The following CNOT1 variants were observed in gnomAD, a reference collection of about 807,000 sequenced individuals.
CNOT1 encodes CCR4-NOT transcription complex subunit 1, also known as CCR4-associated factor 1.
CNOT1 carries 15 observed loss-of-function variants against 273.8 expected under a neutral mutation model. The ratio of observed to expected loss-of-function variants is 0.05; its 90% CI spans 0.04 to 0.08. The LOEUF is 0.08. Among genes scored for constraint, CNOT1 ranks in the 10% least tolerant of loss-of-function variants. The pLI, the probability that CNOT1 is intolerant of heterozygous loss-of-function variation, is 1.00. For synonymous variants in CNOT1, 1,022 were observed against 1,005.5 expected, an observed-to-expected ratio of 1.02 and a Z score of -0.31; for missense variants, 1,644 against 2,912.2, an observed-to-expected ratio of 0.56 and a Z score of 10.02.
chr16:58,598,114 A>G (rs2042325560), intron 2 of CNOT1, among the ~76,000 whole-genome samples: 1 of 148,950 alleles, frequency 6.7e-6, no homozygotes, highest in African/African-American at 2.5e-5. Flanking sequence ...AAATAAAAAA[A>G]TTTGCCGGGC....
At chr16:58,577,621 G>GT in intron 13 of CNOT1, among the ~76,000 whole-genome samples, 1 of 152,186 alleles carries the variant, frequency 6.6e-6, no homozygotes, top group Non-Finnish European at 1.5e-5. Flanking sequence ...TTTTCTGCAT[G>GT]TATCATATAA....
intron 1 of CNOT1, among the ~76,000 whole-genome samples, chr16:58,601,872 TAA>T (rs10713432): frequency 0.018 from 2,549 of 144,244 alleles, 65 homozygotes; most frequent in African/African-American, 0.058. Flanking sequence ...CCCTGTCTAT[TAA>T]AAAAAAAAAA....
At chr16:58,572,600 C>A (rs1354249150) in intron 16 of CNOT1, among the ~76,000 whole-genome samples, 1 of 150,868 alleles carries the variant, frequency 6.6e-6, no homozygotes, top group Non-Finnish European at 1.5e-5. Flanking sequence ...GGGTGACATA[C>A]ACACACACAC....
rs1452644730 is a variant in CNOT1 at position 58,525,368 on chromosome 16, G to A, written c.6604-9C>T. On this transcript the variant is annotated splice_polypyrimidine_tract_variant and intron_variant, in intron 45 of 48. Transcript: ENST00000317147. ...CCAGGTTCATTGGATACCTTAAAAT[G>A]AGCAAAACAGAACTCCTTATGCTTA... The A allele has an allele frequency of 6.2e-7, 1 of 1,611,420 alleles. No homozygotes were observed. The highest frequency in any genetic ancestry group is 8.5e-7 in the Non-Finnish European group (1 of 1,179,316).
chr16:58,540,073 ACATT>A, intron 34 of CNOT1, 114 bp from the exon 35 acceptor site: 1 of 1,051,830 alleles, frequency 9.5e-7, no homozygotes, highest in East Asian at 2.6e-5. Flanking sequence ...TCTTATTTTT[ACATT>A]CAAACATGGA....
intron 2 of CNOT1, among the ~76,000 whole-genome samples, chr16:58,598,152 A>G (rs963635362): frequency 2.6e-5 from 4 of 152,040 alleles, no homozygotes; most frequent in Admixed American, 2.0e-4. Flanking sequence ...TAATCCTAGC[A>G]CTTTGGGAGG....
At chr16:58,577,565 A>G (rs1402439212) in intron 13 of CNOT1, among the ~76,000 whole-genome samples, 1 of 152,226 alleles carries the variant, frequency 6.6e-6, no homozygotes, top group Non-Finnish European at 1.5e-5. Flanking sequence ...GGTAAAGGAT[A>G]AAAAGTAGCT....
At chr16:58,621,046 G>A (rs2043292951) in intron 1 of CNOT1, among the ~76,000 whole-genome samples, 1 of 151,332 alleles carries the variant, frequency 6.6e-6, no homozygotes, top group Non-Finnish European at 1.5e-5. Context: ...TTGAGACAGA[G>A]TCTGTCACCC....
intron 2 of CNOT1, among the ~76,000 whole-genome samples, chr16:58,594,743 A>C (rs1240398986): frequency 1.3e-5 from 2 of 151,868 alleles, no homozygotes; most frequent in East Asian, 3.9e-4. Context: ...CGGGGATTGC[A>C]GTCAGCTGAG....
In CNOT1 at chr16:58,559,377, C is replaced by A. The variant is rs185957828; in HGVS notation, c.2131-703G>T. ...TATATTAATAAATCCTCACAAATTCCAATAAGCCACTTTAAAACAATCAAG... is the reference window on the plus strand; with the variant it reads ...TATATTAATAAATCCTCACAAATTCAAATAAGCCACTTTAAAACAATCAAG... On this transcript the variant is annotated intron_variant, in intron 17 of 48. Transcript: ENST00000317147. Among the ~76,000 whole-genome samples, 309 of 152,142 alleles carry A rather than the reference C, an allele frequency of 2.0e-3. 1 individual carries two copies. The highest frequency in any genetic ancestry group is 7.0e-3 in the African/African-American group (290 of 41,488).
chr16:58,529,190 A>G (rs1011691201), intron 43 of CNOT1, among the ~76,000 whole-genome samples: 3 of 152,306 alleles, frequency 2.0e-5, no homozygotes, highest in East Asian at 1.9e-4. Context: ...AAATCTGACA[A>G]TTCAGATCAG....
intron 40 of CNOT1, 135 bp from the exon 41 acceptor site, chr16:58,532,530 A>G: frequency 1.4e-6 from 2 of 1,406,044 alleles, no homozygotes; most frequent in Non-Finnish European, 1.9e-6. Flanking sequence ...ATACAAAATT[A>G]CATGCTGGCA....
chr16:58,537,167 C>T lies in CNOT1; in HGVS notation c.5468G>A (p.Arg1823His), dbSNP rs1412088237. The T allele has an allele frequency of 3.1e-6, 5 of 1,613,730 alleles. No homozygotes were observed. In the East Asian group the frequency reaches 6.7e-5, roughly 22 times the overall value. The change falls in exon 39 of 49, where the codon CGT becomes CAT. Residue 1823 changes from arginine to histidine, a missense_variant. By Grantham distance (29) the Arg-to-His change is conservative. This residue lies in a region of CNOT1 where 133 missense variants were observed against 328.2 expected (regional missense o/e 0.41). Transcript: ENST00000317147. ...CATAAAGTTTGGGCCTCCATGAGCA[C>T]GATCAATCATTGCTTCATAGTTGGA... ...VRSNYEAMIDRAHGGPNFMMH... is the reference protein window; with the variant it reads ...VRSNYEAMIDHAHGGPNFMMH...
At chr16:58,600,672 C>G (rs1356912475) in intron 1 of CNOT1, among the ~76,000 whole-genome samples, 1 of 152,148 alleles carries the variant, frequency 6.6e-6, no homozygotes, top group East Asian at 1.9e-4. Flanking sequence ...AAATTGCTTC[C>G]TGCATTGCTG....
Position 58,523,464 on chromosome 16 carries a change from G to A in CNOT1, c.6823C>T (p.Arg2275Trp), listed in dbSNP as rs1174853825. Residue 2275 changes from arginine (R) to tryptophan (W), a missense_variant, in exon 47 of 49, where the codon CGG becomes TGG. Coordinates refer to ENST00000317147, the MANE Select transcript of CNOT1 (RefSeq NM_016284.5). The part of the protein sequence containing the change: ...LFLNAIANQL[R>W]YPNSHTHYFS... ...TAGTGAGTGTGGCTATTTGGGTACC[G>A]GAGCTGATTTGCAATTGCATTCAAA... is the stretch of plus-strand genomic sequence containing the variant. 6.2e-7 allele frequency: 1 copy of A among 1,613,960 alleles called. No homozygotes were observed. The highest frequency in any genetic ancestry group is 1.7e-5 in the Admixed American group (1 of 60,012).
chr16:58,537,818 G>T, intron 38 of CNOT1, 73 bp downstream of exon 38: 1 of 1,574,234 alleles, frequency 6.4e-7, no homozygotes, highest in Non-Finnish European at 8.7e-7. Context: ...ATGTTAGTAA[G>T]TCTGCATATT....
chr16:58,527,224 AAAT>A (rs1567385817), intron 44 of CNOT1, among the ~76,000 whole-genome samples: 1 of 152,078 alleles, frequency 6.6e-6, no homozygotes, highest in Non-Finnish European at 1.5e-5. Flanking sequence ...GGTCAATAAA[AAAT>A]AATACAACAA....
Position 58,537,912 on chromosome 16 carries a change from G to C in CNOT1, c.5393C>G (p.Ser1798Cys). ...TCACCCTTCTGGAGCATTGCCTCTG[G>C]AATGAGCATTAATCCTCATGAGGGT... ...IETLMRINAH[S>C]RGNAPEGLPQ... is the part of the protein sequence containing the mutation. Residue 1798 changes from serine (S) to cysteine (C), a missense_variant, in exon 38 of 49, where the codon TCC (serine) becomes TGC (cysteine). Transcript: ENST00000317147. 1.2e-6 allele frequency: 2 copies of C among 1,614,176 alleles called. No homozygotes were observed. The highest frequency in any genetic ancestry group is 1.7e-6 in the Non-Finnish European group (2 of 1,180,036).
At chr16:58,522,150 T>G (rs1366077762) in intron 47 of CNOT1, among the ~76,000 whole-genome samples, 1 of 145,790 alleles carries the variant, frequency 6.9e-6, no homozygotes, top group East Asian at 2.0e-4. Context: ...AAACCCCGTC[T>G]CTACTAAAAA....
Sources: gnomAD v4.1 joint callset for allele counts (sites outside exome capture counted in the v4.1 genomes callset) on GRCh38, gnomAD v4.1.1 for gene constraint, gnomAD v4.1.1 regional missense constraint, MANE v1.5 for transcripts, NCBI Gene and HGNC (gene_info 2026-07-23, HGNC 2026-07-21) for gene names.